The following PCDH15 variants were observed in gnomAD, a reference collection of about 807,000 sequenced individuals.
The protein encoded by PCDH15 is protocadherin-15.
A neutral mutation model predicts 178.5 loss-of-function variants in PCDH15; 129 were observed. The observed-to-expected ratio is 0.72, with a 90% CI of 0.63 to 0.84. PCDH15 has a LOEUF of 0.84. Among genes scored for constraint, PCDH15 ranks in the 40% least tolerant of loss-of-function variants. The pLI is 0.00. For missense variants in PCDH15, 2,230 were observed against 2,099.9 expected, an observed-to-expected ratio of 1.06 and a Z score of -1.21; for synonymous variants, 800 against 732.0, an observed-to-expected ratio of 1.09 and a Z score of -1.50.
intron 2 of PCDH15, among the ~76,000 whole-genome samples, chr10:55,158,862 A>G (rs1458275266): frequency 2.2e-5 from 3 of 133,914 alleles, no homozygotes; most frequent in African/African-American, 5.2e-5. Flanking sequence ...TGTGTCAGAA[A>G]GAAAGGGAGA....
intron 2 of PCDH15, among the ~76,000 whole-genome samples, chr10:55,390,463 T>C (rs1837765657): frequency 6.6e-6 from 1 of 152,198 alleles, no homozygotes; most frequent in Non-Finnish European, 1.5e-5. Flanking sequence ...TGACGTTTGA[T>C]AGCATTTTTC....
At chr10:54,062,227 C>CAAAAAAAAAAAAAAAAAAAAAAAAAA (rs72361686) in intron 18 of PCDH15, among the ~76,000 whole-genome samples, 9 of 53,836 alleles carry the variant, frequency 1.7e-4, no homozygotes, top group Non-Finnish European at 2.0e-4. Flanking sequence ...GATTCTGTCT[C>CAAAAAAAAAAAAAAAAAAAAAAAAAA]AAAAAAAAAA....
chr10:54,756,970 A>T (rs1947216506), intron 1 of PCDH15, among the ~76,000 whole-genome samples: 1 of 148,360 alleles, frequency 6.7e-6, no homozygotes, highest in South Asian at 2.2e-4. Context: ...CTATTATTGT[A>T]TTTGAAGACA....
intron 8 of PCDH15, among the ~76,000 whole-genome samples, chr10:54,240,666 C>T (rs1436128628): frequency 1.7e-5 from 2 of 114,978 alleles, no homozygotes; most frequent in Non-Finnish European, 3.3e-5. Context: ...GAGTATCGCT[C>T]TGTTGCCCAG....
intron 3 of PCDH15, among the ~76,000 whole-genome samples, chr10:54,503,273 A>G (rs1282659285): frequency 9.0e-6 from 1 of 111,668 alleles, no homozygotes; most frequent in Admixed American, 9.1e-5. Flanking sequence ...GTGATTATAT[A>G]TATTTATATA....
intron 3 of PCDH15, among the ~76,000 whole-genome samples, chr10:54,506,755 T>C (rs2081201241): frequency 6.6e-6 from 1 of 152,160 alleles, no homozygotes; most frequent in East Asian, 1.9e-4. Flanking sequence ...ATTAACTCAT[T>C]AGTATTCCGC....
intron 13 of PCDH15, among the ~76,000 whole-genome samples, chr10:54,169,440 C>T (rs1187891168): frequency 7.3e-6 from 1 of 137,832 alleles, no homozygotes; most frequent in Admixed American, 7.5e-5. Context: ...AACTCCCCAA[C>T]TCTGTTGCCA....
At chr10:53,807,186 G>GT in intron 37 of PCDH15, 56 bp from the exon 38 acceptor site, 7 of 1,372,764 alleles carry the variant, frequency 5.1e-6, no homozygotes, top group Non-Finnish European at 5.9e-6. Context: ...AAAAGGCAAT[G>GT]ATTACATTGC....
At position 54,386,774 on chromosome 10, in the gene PCDH15, A is replaced by G. The variant is rs191892253; in HGVS notation, c.158-7832T>C. ...AAGCTACAATAATAAACCACCTCAC[A>G]TTCATTAGGATGGCTACTAGACAAA... is the stretch of plus-strand genomic sequence containing the variant. On this transcript the variant is annotated intron_variant, in intron 3 of 37. Transcript: ENST00000644397. 2.6e-5 allele frequency among the ~76,000 whole-genome samples: 4 copies of G among 152,294 alleles called. No homozygotes were observed. In the East Asian group the frequency reaches 7.7e-4, roughly 29 times the overall value.
intron 3 of PCDH15, among the ~76,000 whole-genome samples, chr10:54,822,611 C>G (rs1053461511): frequency 6.6e-6 from 1 of 152,072 alleles, no homozygotes; most frequent in African/African-American, 2.4e-5. Context: ...GTGCAAGTAT[C>G]TTTTCAATAT....
At chr10:55,064,980 T>A (rs1002639639) in intron 2 of PCDH15, among the ~76,000 whole-genome samples, 14 of 152,100 alleles carry the variant, frequency 9.2e-5, no homozygotes, top group Admixed American at 2.6e-4. Context: ...TTCTTTATCA[T>A]CTGTCCTCTC....
At chr10:53,910,075 C>A (rs2082968077) in intron 25 of PCDH15, among the ~76,000 whole-genome samples, 2 of 152,216 alleles carry the variant, frequency 1.3e-5, no homozygotes, top group South Asian at 4.1e-4. Context: ...CCTCTGGGGG[C>A]AGGGCATAGC....
chr10:55,001,443 G>A (rs1298241986), intron 2 of PCDH15, among the ~76,000 whole-genome samples: 1 of 152,174 alleles, frequency 6.6e-6, no homozygotes, highest in East Asian at 1.9e-4. Flanking sequence ...ATGGATTCCA[G>A]ACCTAGGGGC....
intron 1 of PCDH15, among the ~76,000 whole-genome samples, chr10:54,771,993 A>G (rs1461758637): frequency 6.6e-6 from 1 of 152,198 alleles, no homozygotes; most frequent in African/African-American, 2.4e-5. Context: ...ATTAAGTGCA[A>G]TGCAAAACAT....
At chr10:54,779,782 A>G (rs1303639207) in intron 1 of PCDH15, among the ~76,000 whole-genome samples, 3 of 151,988 alleles carry the variant, frequency 2.0e-5, no homozygotes, top group Non-Finnish European at 4.4e-5. Flanking sequence ...TGCTCTATCA[A>G]CATTGTCGAT....
intron 23 of PCDH15, among the ~76,000 whole-genome samples, chr10:53,954,330 A>G (rs1342847110): frequency 6.6e-6 from 1 of 152,192 alleles, no homozygotes; most frequent in Non-Finnish European, 1.5e-5. Context: ...TTGGAAGAAG[A>G]CAATGATAGG....
chr10:55,516,513 G>A (rs1431266682), intron 2 of PCDH15, among the ~76,000 whole-genome samples: 1 of 150,094 alleles, frequency 6.7e-6, no homozygotes, highest in Non-Finnish European at 1.5e-5. Flanking sequence ...AACTCAGACT[G>A]TGTCTTTCTG....
chr10:54,230,047 G>A (rs547699444), intron 9 of PCDH15, among the ~76,000 whole-genome samples: 47 of 152,250 alleles, frequency 3.1e-4, no homozygotes, highest in African/African-American at 1.1e-3. Context: ...TACTGATTCA[G>A]TTCTGGGATC....
At chr10:54,519,821 G>T (rs977381615) in intron 3 of PCDH15, among the ~76,000 whole-genome samples, 3 of 152,084 alleles carry the variant, frequency 2.0e-5, no homozygotes, top group Non-Finnish European at 2.9e-5. Context: ...TATGCTGCAA[G>T]GCTACAGTAA....
Sources: gnomAD v4.1 joint callset for allele counts (sites outside exome capture counted in the v4.1 genomes callset) on GRCh38, gnomAD v4.1.1 for gene constraint, MANE v1.5 for transcripts, NCBI Gene and HGNC (gene_info 2026-07-23, HGNC 2026-07-21) for gene names.